The following RAD51B variants were observed in gnomAD, a reference collection of about 807,000 sequenced individuals.
The protein encoded by RAD51B is DNA repair protein RAD51 homolog 2.
A neutral mutation model predicts 42.2 loss-of-function variants in RAD51B; 38 were observed. That is an observed-to-expected ratio of 0.90 (90% confidence interval 0.70 to 1.18). RAD51B has a LOEUF of 1.18. Ranked by LOEUF, RAD51B falls within the 50% of genes most tolerant of loss-of-function variation. RAD51B has a pLI of 0.00. For synonymous variants in RAD51B, 154 were observed against 145.2 expected (o/e 1.06, Z -0.43); for missense variants, 373 against 400.7 (o/e 0.93, Z 0.59).
At position 67,957,934 on chromosome 14, in the gene RAD51B, A is replaced by G. The variant is rs572743831; in HGVS notation, c.756+70730A>G. ...TTACATGAGAAGTCAGAGAGAGAGT[A>G]GGATCAGGAAACAAAAGAATTGTAC... On this transcript the variant is annotated intron_variant, in intron 7 of 10. Transcript: ENST00000471583. 1.7e-4 allele frequency among the ~76,000 whole-genome samples: 26 copies of G among 152,354 alleles called. No homozygotes were observed. In the South Asian group the frequency reaches 5.4e-3, roughly 32 times the overall value.
In RAD51B at chr14:68,595,967, T is replaced by C. The variant is rs1890979875; in HGVS notation, c.*1364T>C. ...TGGAATTGTCTTTTTTTTTTTTTTT[T>C]CAAGTTTCCTCCCATTAACATGCAT... On this transcript the variant is annotated 3_prime_UTR_variant, in exon 11 of 11. Coordinates refer to the RAD51B transcript ENST00000487270. 8.9e-6 allele frequency: 5 copies of C among 564,556 alleles called. No individual in the cohort carries two copies. In the South Asian group the frequency reaches 2.6e-4, roughly 29 times the overall value. 35.0% of individuals were successfully genotyped at this position (564,556 alleles called of 1,614,324 possible).
intron 8 of RAD51B, among the ~76,000 whole-genome samples, chr14:68,393,142 G>A (rs535924725): frequency 6.6e-6 from 1 of 152,314 alleles, no homozygotes; most frequent in African/African-American, 2.4e-5. Context: ...GAAAGAGGAG[G>A]GGGTGAGCTC....
chr14:68,609,588 G>C (rs562830380), intron 10 of RAD51B, among the ~76,000 whole-genome samples: 199 of 152,278 alleles, frequency 1.3e-3, no homozygotes, highest in Non-Finnish European at 2.5e-3. Context: ...GCCGTCCTCA[G>C]CCTGGACCGG....
chr14:68,504,648 CTTTTTTTTTCTTTCTTTTTTTT>C (rs1252448924), intron 10 of RAD51B, among the ~76,000 whole-genome samples: 1 of 114,408 alleles, frequency 8.7e-6, no homozygotes, highest in Non-Finnish European at 1.9e-5. Context: ...AGGAGTAATC[CTTTTTTTTTCTTTCTTTTTTTT>C]TTTTTTTTTT....
chr14:68,483,708 C>G (rs937255882), intron 10 of RAD51B, among the ~76,000 whole-genome samples: 5 of 152,208 alleles, frequency 3.3e-5, no homozygotes, highest in Non-Finnish European at 1.5e-5. Flanking sequence ...GAAACTTTCC[C>G]TTATTATTCT....
chr14:67,933,283 A>G (rs925621802), intron 7 of RAD51B, among the ~76,000 whole-genome samples: 1 of 152,160 alleles, frequency 6.6e-6, no homozygotes. Context: ...AGCCAGTGCT[A>G]TGCTGCTGTA....
chr14:67,833,298 C>G (rs1339518721), intron 3 of RAD51B, among the ~76,000 whole-genome samples: 2 of 152,152 alleles, frequency 1.3e-5, no homozygotes, highest in African/African-American at 4.8e-5. Context: ...ATTGCTTGAA[C>G]CCAGGAAGTG....
At chr14:68,089,431 C>T (rs1486905000) in intron 7 of RAD51B, among the ~76,000 whole-genome samples, 2 of 152,140 alleles carry the variant, frequency 1.3e-5, no homozygotes, top group Non-Finnish European at 2.9e-5. Context: ...TATATGGGTG[C>T]ACTCACAGTT....
chr14:68,565,310 CCT>C lies in RAD51B; in HGVS notation c.1037-29173_1037-29172del. Among the ~76,000 whole-genome samples, 1 of 152,238 alleles carries C rather than the reference CCT, an allele frequency of 6.6e-6. No individual in the cohort carries two copies. The highest frequency in any genetic ancestry group is 2.1e-4 in the South Asian group (1 of 4,822). On this transcript the variant is annotated intron_variant, in intron 10 of 10. Transcript: ENST00000487270. The surrounding 1 kb of genome is among the most constrained non-coding windows in gnomAD (Gnocchi z 4.1). Reference sequence around the variant, plus strand: ...GCCTTATCAGGGCCCAATCTAAGGCCCTCCTGTAAGGACCAAGCTTCCTCCAG... The same window carrying C: ...GCCTTATCAGGGCCCAATCTAAGGCCCCTGTAAGGACCAAGCTTCCTCCAG...
At position 68,562,754 on chromosome 14, in the gene RAD51B, G is replaced by A. The variant is rs565475843; in HGVS notation, c.1037-31731G>A. 144 of 985,172 alleles carry A rather than the reference G, an allele frequency of 1.5e-4. 2 individuals are homozygous for A. The South Asian group carries it at 6.0e-3, about 41-fold the overall frequency. 61.0% of individuals were successfully genotyped at this position (985,172 alleles called of 1,614,324 possible). On this transcript the variant is annotated intron_variant, in intron 10 of 10. Coordinates refer to the RAD51B transcript ENST00000487270. ...ATCCCCCTGGTGCCCTCATCACCAG[G>A]GCATATCTAAAAGATGCCATGCTAG...
intron 7 of RAD51B, among the ~76,000 whole-genome samples, chr14:68,192,690 G>A (rs1243316469): frequency 1.3e-5 from 2 of 152,066 alleles, no homozygotes; most frequent in Non-Finnish European, 2.9e-5. Flanking sequence ...CCTTTTTACT[G>A]GTCCTGAACC....
At chr14:68,324,527 T>C (rs922140092) in intron 8 of RAD51B, among the ~76,000 whole-genome samples, 3 of 152,252 alleles carry the variant, frequency 2.0e-5, no homozygotes, top group African/African-American at 7.2e-5. Context: ...GCACGTGCTC[T>C]GGCTTTCAAG....
chr14:67,996,326 G>T (rs1222142354), intron 7 of RAD51B, among the ~76,000 whole-genome samples: 1 of 151,652 alleles, frequency 6.6e-6, no homozygotes, highest in East Asian at 1.9e-4. Context: ...AGACCAGGAG[G>T]TCGAGGCTGC....
chr14:67,982,198 G>C (rs1595201720), intron 7 of RAD51B, among the ~76,000 whole-genome samples: 1 of 152,104 alleles, frequency 6.6e-6, no homozygotes, highest in African/African-American at 2.4e-5. Context: ...GCCTCCCAAA[G>C]TGCTGCGATT....
intron 10 of RAD51B, among the ~76,000 whole-genome samples, chr14:68,536,985 G>A (rs577851922): frequency 1.3e-5 from 2 of 151,784 alleles, no homozygotes; most frequent in African/African-American, 4.8e-5. Context: ...GGAGGCTGAG[G>A]TGGGAGGATC....
In RAD51B at chr14:67,887,209, G is replaced by C. The variant is rs2043085683; in HGVS notation, c.756+5G>C. 1 of 1,598,156 alleles carries C rather than the reference G, an allele frequency of 6.3e-7. No individual in the cohort carries two copies. Among genetic ancestry groups the C allele is most frequent in the Non-Finnish European group, 8.5e-7 (1 of 1,171,880 alleles). ...GCTGAGGAGTTTTCAATCCCAGTAA[G>C]TTTTTCTTTTTTTCTCTTTTTTCTT... On this transcript the variant is annotated splice_donor_5th_base_variant and intron_variant, in intron 7 of 10. Coordinates refer to ENST00000471583, the MANE Select transcript of RAD51B (RefSeq NM_133510.4).
chr14:68,127,529 T>G (rs1308748032), intron 7 of RAD51B, among the ~76,000 whole-genome samples: 1 of 151,784 alleles, frequency 6.6e-6, no homozygotes. Context: ...AGTATATGAA[T>G]GGGAAATATA....
intron 7 of RAD51B, among the ~76,000 whole-genome samples, chr14:67,925,737 C>T (rs1363933640): frequency 6.6e-6 from 1 of 152,212 alleles, no homozygotes; most frequent in Non-Finnish European, 1.5e-5. Flanking sequence ...TCTGCCTGGG[C>T]ATCCAGATGT....
intron 7 of RAD51B, among the ~76,000 whole-genome samples, chr14:67,987,364 A>G (rs985560732): frequency 6.6e-6 from 1 of 152,118 alleles, no homozygotes; most frequent in Non-Finnish European, 1.5e-5. Flanking sequence ...GCCTCTGGTA[A>G]CCACCATTCT....
Sources: gnomAD v4.1 joint callset for allele counts (sites outside exome capture counted in the v4.1 genomes callset) on GRCh38, gnomAD v4.1.1 for gene constraint, Gnocchi (gnomAD v3.1) non-coding constraint, MANE v1.5 for transcripts, NCBI Gene and HGNC (gene_info 2026-07-23, HGNC 2026-07-21) for gene names.